The following PAX7 variants were observed in gnomAD, a reference collection of about 807,000 sequenced individuals.
PAX7 encodes paired box protein Pax-7.
A neutral mutation model predicts 50.7 loss-of-function variants in PAX7; 18 were observed. That is an observed-to-expected ratio of 0.36 (90% CI 0.25 to 0.53). The LOEUF is 0.53. Among genes scored for constraint, PAX7 ranks in the 20% least tolerant of loss-of-function variants. The probability of loss-of-function intolerance (pLI) is 0.93; values close to 1 mark genes in which losing one functional copy is unlikely to be tolerated. For synonymous variants in PAX7, 310 were observed against 290.4 expected, an observed-to-expected ratio of 1.07 and a Z score of -0.69; for missense variants, 644 against 702.9, an observed-to-expected ratio of 0.92 and a Z score of 0.95.
In PAX7 at chr1:18,735,887, C is replaced by T; in HGVS notation, c.1402+9C>T. On this transcript the variant is annotated intron_variant, in intron 8 of 8. Coordinates refer to ENST00000420770, the MANE Select transcript of PAX7 (RefSeq NM_001135254.2). The surrounding 1 kb of genome is among the most constrained non-coding windows in gnomAD (Gnocchi z 4.0). Reference sequence around the variant, plus strand: ...CGGCCAGTACGGCCAGAGTGAGTGCCTGGTGCCCTGGGCGTCCCCCGTCCC... The same window carrying T: ...CGGCCAGTACGGCCAGAGTGAGTGCTTGGTGCCCTGGGCGTCCCCCGTCCC... 1 of 1,614,080 alleles carries T rather than the reference C, an allele frequency of 6.2e-7. No individual in the cohort carries two copies. The highest frequency in any genetic ancestry group is 1.1e-5 in the South Asian group (1 of 91,084).
chr1:18,633,162 G>C (rs564087344), intron 1 of PAX7, among the ~76,000 whole-genome samples: 170 of 152,154 alleles, frequency 1.1e-3, no homozygotes, highest in African/African-American at 3.8e-3. Context: ...GGGGGACCGG[G>C]AGAGCGAGGG....
chr1:18,670,467 G>C (rs953052727), intron 4 of PAX7, among the ~76,000 whole-genome samples: 1 of 152,132 alleles, frequency 6.6e-6, no homozygotes, highest in Non-Finnish European at 1.5e-5. Flanking sequence ...CAGGGGACCT[G>C]TCTGCGCCCC....
chr1:18,705,719 G>A (rs2089274306), intron 7 of PAX7, among the ~76,000 whole-genome samples: 1 of 152,194 alleles, frequency 6.6e-6, no homozygotes, highest in South Asian at 2.1e-4. Context: ...CCATGGCAAG[G>A]AGACTTCAGG....
chr1:18,716,869 A>AC (rs59927982), intron 7 of PAX7, among the ~76,000 whole-genome samples: 5,103 of 143,128 alleles, frequency 0.036, 213 homozygotes, highest in East Asian at 0.17. Flanking sequence ...CCTCTCCCCC[A>AC]CCCCCGTGTC....
chr1:18,713,253 T>G (rs534020165), intron 7 of PAX7, among the ~76,000 whole-genome samples: 2 of 152,306 alleles, frequency 1.3e-5, no homozygotes, highest in African/African-American at 4.8e-5. Flanking sequence ...AGTAGCCTGC[T>G]TGGAAGCTCT....
chr1:18,728,262 G>T (rs988830421), intron 7 of PAX7, among the ~76,000 whole-genome samples: 20 of 152,108 alleles, frequency 1.3e-4, no homozygotes, highest in Admixed American at 3.9e-4. Context: ...GGAGGCCGGT[G>T]GATCTGTGGC....
intron 4 of PAX7, among the ~76,000 whole-genome samples, chr1:18,677,147 T>C (rs1236360656): frequency 1.3e-5 from 2 of 152,220 alleles, no homozygotes; most frequent in Non-Finnish European, 2.9e-5. Flanking sequence ...CTGGCATTCC[T>C]GGAGGCAGTA....
At chr1:18,640,001 A>T (rs747698865) in intron 4 of PAX7, among the ~76,000 whole-genome samples, 1 of 144,388 alleles carries the variant, frequency 6.9e-6, no homozygotes. Flanking sequence ...GCGGGGGGGA[A>T]ATCCTGGGGG....
chr1:18,735,569 C>T lies in PAX7; in HGVS notation c.1156-63C>T, dbSNP rs2089699055. ...TCCAGGGCCAGCCTGGCATTGTGCCCAGTGTGCTCGTGTCTCTGGGGTCTG... is the reference window on the plus strand; with the variant it reads ...TCCAGGGCCAGCCTGGCATTGTGCCTAGTGTGCTCGTGTCTCTGGGGTCTG... On this transcript the variant is annotated intron_variant, in intron 7 of 8. Coordinates refer to ENST00000420770, the MANE Select transcript of PAX7 (RefSeq NM_001135254.2). The surrounding 1 kb of genome is among the most constrained non-coding windows in gnomAD (Gnocchi z 4.0). 4 of 1,557,762 alleles carry T rather than the reference C, an allele frequency of 2.6e-6. No homozygotes were observed. In the Admixed American group the frequency reaches 5.3e-5, roughly 21 times the overall value.
intron 4 of PAX7, among the ~76,000 whole-genome samples, chr1:18,671,693 A>G (rs1205626337): frequency 6.6e-6 from 1 of 152,180 alleles, no homozygotes; most frequent in Admixed American, 6.5e-5. Flanking sequence ...TCATTTTAAA[A>G]TGGGAACAGG....
intron 7 of PAX7, among the ~76,000 whole-genome samples, chr1:18,717,039 G>T (rs2089434640): frequency 6.7e-6 from 1 of 149,678 alleles, no homozygotes; most frequent in Non-Finnish European, 1.5e-5. Flanking sequence ...CCCGCGCTCC[G>T]CCGCCGCCGC....
chr1:18,741,574 C>G lies in PAX7; in HGVS notation c.1403-3240C>G, dbSNP rs555832656. Among the ~76,000 whole-genome samples the G allele has an allele frequency of 5.3e-5, 8 of 152,226 alleles. 1 individual carries two copies. Among genetic ancestry groups the G allele is most frequent in the African/African-American group, 1.9e-4 (8 of 41,554 alleles). ...GCACGTAGCAAAACATCAGAGGTAC[C>G]CCCAAAAATATGTGCAAATATTATG... On this transcript the variant is annotated intron_variant, in intron 8 of 8. Coordinates refer to ENST00000420770, the MANE Select transcript of PAX7 (RefSeq NM_001135254.2).
intron 7 of PAX7, among the ~76,000 whole-genome samples, chr1:18,712,460 T>C (rs934347440): frequency 6.6e-6 from 1 of 152,128 alleles, no homozygotes; most frequent in Non-Finnish European, 1.5e-5. Flanking sequence ...TACCCCTTTT[T>C]CCTGGGTGGA....
intron 4 of PAX7, among the ~76,000 whole-genome samples, chr1:18,687,545 T>C (rs1360421310): frequency 2.6e-5 from 4 of 152,226 alleles, no homozygotes; most frequent in South Asian, 2.1e-4. Flanking sequence ...AGTCCCTGCT[T>C]CACAGACCTA....
At chr1:18,737,764 G>A (rs1385111248) in intron 8 of PAX7, among the ~76,000 whole-genome samples, 1 of 152,238 alleles carries the variant, frequency 6.6e-6, no homozygotes, top group Non-Finnish European at 1.5e-5. Context: ...GCTTAAACAT[G>A]TTTAAATGTG....
intron 8 of PAX7, 113 bp from the exon 9 acceptor site, chr1:18,744,701 G>GATAA (rs1444794109): frequency 0.02 from 8,853 of 432,718 alleles, 133 homozygotes; most frequent in East Asian, 0.085. Context: ...TGGATGGATG[G>GATAA]ATGGATGGAT....
chr1:18,668,206 G>A (rs1557519123), intron 4 of PAX7, among the ~76,000 whole-genome samples: 1 of 152,200 alleles, frequency 6.6e-6, no homozygotes, highest in South Asian at 2.1e-4. Flanking sequence ...AGGCTGAGAA[G>A]TTCTGGCCCA....
intron 5 of PAX7, among the ~76,000 whole-genome samples, chr1:18,696,399 T>G (rs562619391): frequency 3.4e-4 from 52 of 152,310 alleles, no homozygotes; most frequent in African/African-American, 1.2e-3. Flanking sequence ...CCAGGCATGA[T>G]GGCTCACCAG....
intron 8 of PAX7, among the ~76,000 whole-genome samples, chr1:18,737,802 G>A (rs536975728): frequency 9.2e-5 from 14 of 152,358 alleles, no homozygotes; most frequent in Admixed American, 2.6e-4. Flanking sequence ...ATGGTTGAGC[G>A]TGTCTTTATG....
Sources: allele counts gnomAD v4.1 joint callset (sites outside exome capture counted in the v4.1 genomes callset), GRCh38; gene constraint gnomAD v4.1.1; non-coding constraint Gnocchi (gnomAD v3.1); transcripts MANE v1.5; gene names NCBI Gene and HGNC (gene_info 2026-07-23, HGNC 2026-07-21).